The following DNAJC2 variants were observed in gnomAD, a reference collection of about 807,000 sequenced individuals.
The protein encoded by DNAJC2 is DnaJ heat shock protein family (Hsp40) member C2.
DNAJC2 carries 32 observed loss-of-function variants against 94.0 expected under a neutral mutation model. The ratio of observed to expected loss-of-function variants is 0.34; its 90% confidence interval spans 0.26 to 0.46. The LOEUF (loss-of-function observed/expected upper bound fraction) is 0.46. DNAJC2 is among the 20% of genes least tolerant of loss of function. The pLI, the probability that DNAJC2 is intolerant of heterozygous loss-of-function variation, is 1.00. For synonymous variants in DNAJC2, 210 were observed against 229.7 expected (o/e 0.91, Z 0.77); for missense variants, 550 against 719.5 (o/e 0.76, Z 2.69).
chr7:103,315,169 ATT>A (rs35425130), intron 15 of DNAJC2, among the ~76,000 whole-genome samples: 3,713 of 146,770 alleles, frequency 0.025, 75 homozygotes, highest in African/African-American at 0.049. Flanking sequence ...AAACCCTAAC[ATT>A]TTTTTTTTTT....
In DNAJC2 at chr7:103,331,158, T is replaced by C. The variant is rs967758367; in HGVS notation, c.332-3404A>G. Among the ~76,000 whole-genome samples the C allele has an allele frequency of 3.3e-5, 5 of 152,126 alleles. No homozygotes were observed. In the South Asian group the frequency reaches 1.0e-3, roughly 32 times the overall value. On this transcript the variant is annotated intron_variant, in intron 3 of 16. Transcript: ENST00000379263. ...TTTTAGTAGAGACAGGGTTTTGCCA[T>C]GTTGGCCAGGCTTGGTCTTGAACTC...
intron 10 of DNAJC2, chr7:103,320,841 T>C: frequency 5.2e-6 from 1 of 191,910 alleles, no homozygotes; most frequent in Non-Finnish European, 1.0e-5. Flanking sequence ...TTTTTTTTTT[T>C]TTTTTTTTTG....
chr7:103,317,501 G>C (rs1390384285), intron 12 of DNAJC2, among the ~76,000 whole-genome samples: 2 of 152,006 alleles, frequency 1.3e-5, no homozygotes, highest in Non-Finnish European at 2.9e-5. Flanking sequence ...ACCTTTATTT[G>C]CCCTTGTTGC....
intron 10 of DNAJC2, among the ~76,000 whole-genome samples, chr7:103,321,141 T>C (rs1258373642): frequency 6.6e-6 from 1 of 151,960 alleles, no homozygotes; most frequent in Non-Finnish European, 1.5e-5. Context: ...AAGGTTGCAG[T>C]GAGCCGAGAT....
chr7:103,328,509 T>G (rs1410799421), intron 3 of DNAJC2, among the ~76,000 whole-genome samples: 1 of 152,020 alleles, frequency 6.6e-6, no homozygotes, highest in African/African-American at 2.4e-5. Context: ...TGCATGCCTG[T>G]GGTCCCAGCT....
At chr7:103,338,299 T>G (rs1291388971) in intron 2 of DNAJC2, among the ~76,000 whole-genome samples, 1 of 150,292 alleles carries the variant, frequency 6.7e-6, no homozygotes, top group Non-Finnish European at 1.5e-5. Flanking sequence ...ATTTTAAGAT[T>G]TTATTTTATT....
chr7:103,316,404 T>A, intron 13 of DNAJC2: 1 of 227,966 alleles, frequency 4.4e-6, no homozygotes, highest in Non-Finnish European at 8.4e-6. Context: ...TCAATCATTC[T>A]GAAAACAGCC....
intron 12 of DNAJC2, among the ~76,000 whole-genome samples, chr7:103,317,661 T>C (rs1818145906): frequency 6.6e-6 from 1 of 152,190 alleles, no homozygotes; most frequent in Non-Finnish European, 1.5e-5. Context: ...TCTTTCTTTC[T>C]TACTTTTGAG....
chr7:103,343,946 G>T (rs1819492137), intron 1 of DNAJC2, among the ~76,000 whole-genome samples: 1 of 152,214 alleles, frequency 6.6e-6, no homozygotes, highest in Non-Finnish European at 1.5e-5. Flanking sequence ...CACTGGACCT[G>T]AAGACTCTTA....
chr7:103,325,749 A>G (rs530073727), intron 5 of DNAJC2, among the ~76,000 whole-genome samples: 14 of 96,416 alleles, frequency 1.5e-4, no homozygotes, highest in African/African-American at 9.7e-4. Flanking sequence ...TTGGTACATA[A>G]CTATTTTAAA....
intron 2 of DNAJC2, among the ~76,000 whole-genome samples, chr7:103,339,499 C>G (rs1489319582): frequency 6.6e-6 from 1 of 152,158 alleles, no homozygotes; most frequent in African/African-American, 2.4e-5. Flanking sequence ...TACTTCATCA[C>G]TTCCTAATCA....
intron 1 of DNAJC2, among the ~76,000 whole-genome samples, chr7:103,344,000 C>T (rs948013125): frequency 2.0e-5 from 3 of 152,242 alleles, no homozygotes; most frequent in Admixed American, 1.3e-4. Flanking sequence ...AAACTAAAAC[C>T]TACAGCAGCA....
chr7:103,313,413 T>TTATAG (rs1215166593), intron 15 of DNAJC2: 1 of 983,928 alleles, frequency 1.0e-6, no homozygotes, highest in African/African-American at 1.7e-5. Flanking sequence ...ATATTTAAAT[T>TTATAG]TATAGTACTG....
chr7:103,330,370 CTT>C (rs1190955805), intron 3 of DNAJC2, among the ~76,000 whole-genome samples: 1 of 152,054 alleles, frequency 6.6e-6, no homozygotes. Context: ...TCACTGTAGT[CTT>C]AACCTCCCCG....
intron 3 of DNAJC2, among the ~76,000 whole-genome samples, chr7:103,332,215 C>A (rs1819005109): frequency 6.6e-6 from 1 of 152,118 alleles, no homozygotes; most frequent in Admixed American, 6.5e-5. Context: ...CCGTGTTAGC[C>A]AGGATGGTCT....
At chr7:103,318,406 A>G (rs2115818412) in intron 12 of DNAJC2, among the ~76,000 whole-genome samples, 1 of 152,152 alleles carries the variant, frequency 6.6e-6, no homozygotes, top group South Asian at 2.1e-4. Flanking sequence ...CTTCTATTTT[A>G]TAGTTTGTGG....
chr7:103,312,746 C>G (rs371202592), intron 16 of DNAJC2, 103 bp from the exon 17 acceptor site: 6 of 1,538,280 alleles, frequency 3.9e-6, no homozygotes, highest in South Asian at 1.3e-5. Context: ...ATAGATAGTA[C>G]TAAATATACT....
At chr7:103,334,606 AT>A (rs1401883131) in intron 3 of DNAJC2, among the ~76,000 whole-genome samples, 1 of 151,024 alleles carries the variant, frequency 6.6e-6, no homozygotes, top group Non-Finnish European at 1.5e-5. Context: ...TTGAAAAAAA[AT>A]TTTTTTAATT....
intron 10 of DNAJC2, 113 bp from the exon 11 acceptor site, chr7:103,319,957 C>T (rs955957755): frequency 1.8e-6 from 2 of 1,112,126 alleles, no homozygotes; most frequent in Non-Finnish European, 2.6e-6. Flanking sequence ...ATCGCTTGAA[C>T]CTGGAGGCGG....
Sources: gnomAD v4.1 joint callset for allele counts (sites outside exome capture counted in the v4.1 genomes callset) on GRCh38, gnomAD v4.1.1 for gene constraint, MANE v1.5 for transcripts, NCBI Gene and HGNC (gene_info 2026-07-23, HGNC 2026-07-21) for gene names.